DNER: variants seen among roughly 807,000 people sequenced by gnomAD.
DNER encodes the protein delta and Notch-like epidermal growth factor-related receptor.
DNER carries 33 observed loss-of-function variants against 78.2 expected under a neutral mutation model. The ratio of observed to expected loss-of-function variants is 0.42; its 90% CI spans 0.32 to 0.56. DNER has a LOEUF of 0.56. Ranked by LOEUF, DNER falls within the 20% of genes least tolerant of loss-of-function variation. The pLI, the probability that DNER is intolerant of heterozygous loss-of-function variation, is 0.11. For missense variants in DNER, 918 were observed against 975.3 expected (o/e 0.94, Z 0.78); for synonymous variants, 417 against 384.8 (o/e 1.08, Z -0.98).
chr2:229,384,412 G>A (rs1692815894), intron 11 of DNER, among the ~76,000 whole-genome samples: 1 of 152,102 alleles, frequency 6.6e-6, no homozygotes, highest in South Asian at 2.1e-4. Context: ...ACTAAGATCA[G>A]AGCAGAACTG....
chr2:229,681,740 C>G (rs1456524011), intron 1 of DNER, among the ~76,000 whole-genome samples: 1 of 151,696 alleles, frequency 6.6e-6, no homozygotes, highest in Admixed American at 6.6e-5. Flanking sequence ...ACTATTCTTT[C>G]AAAGTTTGTG....
intron 9 of DNER, among the ~76,000 whole-genome samples, chr2:229,411,921 G>T (rs1693530716): frequency 6.6e-6 from 1 of 152,018 alleles, no homozygotes; most frequent in Non-Finnish European, 1.5e-5. Context: ...GATTATTATG[G>T]CTCATGTTAT....
intron 1 of DNER, among the ~76,000 whole-genome samples, chr2:229,694,992 C>T (rs968594552): frequency 4.6e-5 from 7 of 152,246 alleles, no homozygotes; most frequent in East Asian, 1.9e-4. Flanking sequence ...CCATATGTTA[C>T]GGGAGGGCCC....
chr2:229,389,737 T>C (rs545539268), intron 10 of DNER, among the ~76,000 whole-genome samples: 1 of 152,362 alleles, frequency 6.6e-6, no homozygotes, highest in South Asian at 2.1e-4. Flanking sequence ...CTCACACTAA[T>C]ATATTCCATG....
At chr2:229,669,966 C>T (rs561372268) in intron 1 of DNER, among the ~76,000 whole-genome samples, 2 of 152,322 alleles carry the variant, frequency 1.3e-5, no homozygotes, top group Admixed American at 6.5e-5. Context: ...ACACCAATCC[C>T]TGTGCAAGCT....
chr2:229,375,831 C>G (rs182067457), intron 11 of DNER, among the ~76,000 whole-genome samples: 35 of 152,234 alleles, frequency 2.3e-4, no homozygotes, highest in African/African-American at 7.9e-4. Context: ...GGCTTTGTGT[C>G]CCCACCCAAA....
rs114530156 is a variant in DNER, at chr2:229,710,508, G to A, written c.276+3640C>T. On this transcript the variant is annotated intron_variant, in intron 1 of 12. Coordinates refer to ENST00000341772, the MANE Select transcript of DNER (RefSeq NM_139072.4). ...GCACCCAGCTCATAGGACATTGCAA[G>A]GATCAGCAAGTTATGTCTGCAAAGT... 9.2e-3 allele frequency among the ~76,000 whole-genome samples: 1,398 copies of A among 152,306 alleles called. 23 individuals carry two copies. Among genetic ancestry groups the A allele is most frequent in the African/African-American group, 0.032 (1,327 of 41,562 alleles).
intron 1 of DNER, among the ~76,000 whole-genome samples, chr2:229,642,909 T>C (rs1005636245): frequency 2.0e-5 from 3 of 151,984 alleles, no homozygotes; most frequent in Non-Finnish European, 4.4e-5. Context: ...GGGAAGCACA[T>C]AGAATATGGA....
intron 1 of DNER, among the ~76,000 whole-genome samples, chr2:229,669,442 T>C (rs1699170617): frequency 1.3e-5 from 2 of 151,972 alleles, no homozygotes; most frequent in South Asian, 4.2e-4. Flanking sequence ...TTTTTCCAAT[T>C]CTGTGAAAAA....
At chr2:229,373,147 A>C (rs1407126771) in intron 11 of DNER, among the ~76,000 whole-genome samples, 1 of 152,236 alleles carries the variant, frequency 6.6e-6, no homozygotes, top group African/African-American at 2.4e-5. Context: ...CTATTGACAG[A>C]GTAAACAGAC....
chr2:229,540,871 T>A (rs1476198155), intron 5 of DNER, among the ~76,000 whole-genome samples: 1 of 152,204 alleles, frequency 6.6e-6, no homozygotes, highest in African/African-American at 2.4e-5. Flanking sequence ...AGATTAAGGA[T>A]GGTGGGTTCC....
intron 1 of DNER, among the ~76,000 whole-genome samples, chr2:229,691,072 G>A (rs1444467169): frequency 6.6e-6 from 1 of 152,122 alleles, no homozygotes; most frequent in East Asian, 1.9e-4. Flanking sequence ...CAACCATCCT[G>A]CTGAGAATAA....
At chr2:229,378,817 G>A (rs1692667877) in intron 11 of DNER, among the ~76,000 whole-genome samples, 1 of 152,074 alleles carries the variant, frequency 6.6e-6, no homozygotes, top group Non-Finnish European at 1.5e-5. Context: ...CCAAATGTAC[G>A]AATTCTGTGT....
chr2:229,569,214 T>A (rs1171678712), intron 4 of DNER, among the ~76,000 whole-genome samples: 2 of 152,168 alleles, frequency 1.3e-5, no homozygotes, highest in East Asian at 3.9e-4. Flanking sequence ...GATACCAAAA[T>A]CTGAAGATGT....
At chr2:229,705,131 C>T (rs2154217769) in intron 1 of DNER, among the ~76,000 whole-genome samples, 1 of 152,340 alleles carries the variant, frequency 6.6e-6, no homozygotes, top group South Asian at 2.1e-4. Flanking sequence ...CTCTTCGCTT[C>T]AGTCGTCTCA....
rs572886459 is a variant in DNER, at chr2:229,449,639, G to A, written c.1262-2099C>T. ...CAGGTTCTAGGTTAACCTTGTGGATGCACTGATTTCTTTACAAGAAATTCA... is the reference window on the plus strand; with the variant it reads ...CAGGTTCTAGGTTAACCTTGTGGATACACTGATTTCTTTACAAGAAATTCA... On this transcript the variant is annotated intron_variant, in intron 7 of 12. Transcript: ENST00000341772. Among the ~76,000 whole-genome samples, 3 of 152,274 alleles carry A rather than the reference G, an allele frequency of 2.0e-5. No homozygotes were observed. In the South Asian group the frequency reaches 6.2e-4, roughly 32 times the overall value.
intron 7 of DNER, among the ~76,000 whole-genome samples, chr2:229,452,447 AT>A (rs1574849485): frequency 7.2e-5 from 11 of 152,042 alleles, no homozygotes; most frequent in South Asian, 2.1e-4. Flanking sequence ...GTGTAATACA[AT>A]AGGGACTGGC....
chr2:229,686,527 G>T (rs373416739), intron 1 of DNER, among the ~76,000 whole-genome samples: 1 of 152,102 alleles, frequency 6.6e-6, no homozygotes, highest in Non-Finnish European at 1.5e-5. Context: ...AGACTTTATG[G>T]GCTCACACCT....
intron 5 of DNER, among the ~76,000 whole-genome samples, chr2:229,525,222 A>G (rs747543353): frequency 6.6e-6 from 1 of 152,168 alleles, no homozygotes; most frequent in Non-Finnish European, 1.5e-5. Context: ...TTCCTAGTCA[A>G]CCTAAAATTC....
Sources: gnomAD v4.1 joint callset for allele counts (sites outside exome capture counted in the v4.1 genomes callset) on GRCh38, gnomAD v4.1.1 for gene constraint, MANE v1.5 for transcripts, NCBI Gene and HGNC (gene_info 2026-07-23, HGNC 2026-07-21) for gene names.